Variants in CMC1 observed in about 807,000 individuals in gnomAD.
CMC1 encodes the protein C-X9-C motif containing 1.
A neutral mutation model predicts 14.1 loss-of-function variants in CMC1; 14 were observed. The ratio of observed to expected loss-of-function variants is 0.99; its 90% CI spans 0.66 to 1.55. CMC1 has a LOEUF of 1.55. CMC1 is among the 40% of genes most tolerant of loss of function. The probability of loss-of-function intolerance (pLI) is 0.00; values close to 1 mark genes in which losing one functional copy is unlikely to be tolerated. For missense variants in CMC1, 127 were observed against 123.8 expected (o/e 1.03, Z -0.12); for synonymous variants, 50 against 38.4 (o/e 1.30, Z -1.12).
At chr3:28,257,065 C>T (rs1172259669) in intron 1 of CMC1, among the ~76,000 whole-genome samples, 1 of 152,084 alleles carries the variant, frequency 6.6e-6, no homozygotes, top group Non-Finnish European at 1.5e-5. Context: ...AATTATGAAT[C>T]TTTTTGTCTA....
intron 2 of CMC1, among the ~76,000 whole-genome samples, chr3:28,277,991 G>A (rs1018193077): frequency 9.4e-6 from 1 of 105,994 alleles, no homozygotes; most frequent in Non-Finnish European, 2.0e-5. Flanking sequence ...TCATTGCTAT[G>A]TTAATAATAG....
chr3:28,241,846 C>G, intron 1 of CMC1, 34 bp downstream of exon 1: 1 of 1,236,008 alleles, frequency 8.1e-7, no homozygotes, highest in Non-Finnish European at 1.0e-6. Context: ...TGCCGAGGGG[C>G]CTCGCCCCGG....
At position 28,321,820 on chromosome 3, in the gene CMC1, T is replaced by C. The variant is rs540357298; in HGVS notation, c.*2191T>C. 1 of 151,466 alleles carries C rather than the reference T, an allele frequency of 6.6e-6. No individual in the cohort carries two copies. Among genetic ancestry groups the C allele is most frequent in the South Asian group, 2.1e-4 (1 of 4,830 alleles). The allele number at this position is 151,466 out of a possible 1,614,324, so 9.4% of individuals were successfully genotyped here. A position where few individuals can be genotyped will look rare whatever the true frequency, so the allele number is the denominator to read the frequency against. On this transcript the variant is annotated 3_prime_UTR_variant, in exon 4 of 4. Transcript: ENST00000466830. Reference sequence around the variant, plus strand: ...TAAGTCTTACAGATGTAAATTTTACTTTAGCTAATAAGGGAGCAAGAGGAA... The same window carrying C: ...TAAGTCTTACAGATGTAAATTTTACCTTAGCTAATAAGGGAGCAAGAGGAA...
chr3:28,310,276 T>C (rs1267532441), intron 2 of CMC1, among the ~76,000 whole-genome samples: 1 of 152,210 alleles, frequency 6.6e-6, no homozygotes, highest in Non-Finnish European at 1.5e-5. Flanking sequence ...TCAGGGACTA[T>C]TGTTAGCTCC....
At chr3:28,253,096 A>G (rs1699213688) in intron 1 of CMC1, among the ~76,000 whole-genome samples, 1 of 152,184 alleles carries the variant, frequency 6.6e-6, no homozygotes, top group African/African-American at 2.4e-5. Flanking sequence ...GTATGAACAA[A>G]CTGGCAAGAG....
chr3:28,312,504 C>T (rs911039029), intron 2 of CMC1, among the ~76,000 whole-genome samples: 5 of 152,188 alleles, frequency 3.3e-5, no homozygotes, highest in African/African-American at 1.2e-4. Context: ...GATGAACTAT[C>T]TGCTATTTCT....
rs1703284587 is a variant in CMC1, at chr3:28,324,058, C to A, written c.*4429C>A. On this transcript the variant is annotated 3_prime_UTR_variant, in exon 4 of 4. Coordinates refer to ENST00000466830, the MANE Select transcript of CMC1 (RefSeq NM_182523.2). ...TCTTCCAAATTAATTCTTATAAAGG[C>A]AGTTCTGATTATGTTGATCCAAGTA... is the stretch of plus-strand genomic sequence containing the variant. The A allele has an allele frequency of 6.2e-7, 1 of 1,607,030 alleles. No homozygotes were observed. Among genetic ancestry groups the A allele is most frequent in the African/African-American group, 1.3e-5 (1 of 74,436 alleles).
At chr3:28,274,220 C>CTTTCTT (rs1553615940) in intron 2 of CMC1, among the ~76,000 whole-genome samples, 1 of 112,326 alleles carries the variant, frequency 8.9e-6, no homozygotes, top group Non-Finnish European at 1.7e-5. Context: ...TTGTTTTTTT[C>CTTTCTT]TTTTTTTTTT....
intron 2 of CMC1, among the ~76,000 whole-genome samples, chr3:28,307,718 C>A (rs1364470177): frequency 3.9e-5 from 6 of 152,184 alleles, no homozygotes; most frequent in African/African-American, 7.2e-5. Flanking sequence ...TTTTTCCCCC[C>A]ACTGTGGTAG....
intron 2 of CMC1, among the ~76,000 whole-genome samples, chr3:28,272,425 A>G (rs1317329331): frequency 6.6e-6 from 1 of 152,190 alleles, no homozygotes; most frequent in Non-Finnish European, 1.5e-5. Flanking sequence ...GGTTTTTAAC[A>G]TGAAGGGATG....
intron 1 of CMC1, among the ~76,000 whole-genome samples, chr3:28,258,125 C>G (rs1038836224): frequency 2.0e-4 from 29 of 144,734 alleles, no homozygotes; most frequent in Non-Finnish European, 4.1e-4. Flanking sequence ...TGTGTCCATT[C>G]AAGCCTTTTG....
At chr3:28,312,863 A>G (rs1702707810) in intron 2 of CMC1, among the ~76,000 whole-genome samples, 1 of 151,858 alleles carries the variant, frequency 6.6e-6, no homozygotes, top group Admixed American at 6.6e-5. Flanking sequence ...ATTTTTTTTA[A>G]ATTTTTTTTT....
chr3:28,297,892 A>G (rs187032926), intron 2 of CMC1, among the ~76,000 whole-genome samples: 4 of 151,970 alleles, frequency 2.6e-5, no homozygotes, highest in Admixed American at 6.6e-5. Context: ...TTGTATACAC[A>G]CACATTATGT....
chr3:28,315,297 T>G (rs1702841277), intron 2 of CMC1: 1 of 152,218 alleles, frequency 6.6e-6, no homozygotes, highest in African/African-American at 2.4e-5. Context: ...GGTACCAGGC[T>G]TTTCTGGGTT....
intron 2 of CMC1, among the ~76,000 whole-genome samples, chr3:28,286,101 T>C (rs1331779554): frequency 6.6e-6 from 1 of 152,146 alleles, no homozygotes; most frequent in Non-Finnish European, 1.5e-5. Flanking sequence ...GGTACATACA[T>C]TTTATACTTG....
At chr3:28,245,707 T>C (rs749440169) in intron 1 of CMC1, among the ~76,000 whole-genome samples, 1 of 152,146 alleles carries the variant, frequency 6.6e-6, no homozygotes, top group Non-Finnish European at 1.5e-5. Context: ...TTAAGGTATA[T>C]GTGTCTTGGG....
At chr3:28,251,559 G>A (rs530036549) in intron 1 of CMC1, among the ~76,000 whole-genome samples, 2 of 152,108 alleles carry the variant, frequency 1.3e-5, no homozygotes, top group African/African-American at 4.8e-5. Context: ...TTATGGAACT[G>A]GTTTTCATGT....
At chr3:28,275,893 A>G (rs1002213986) in intron 2 of CMC1, among the ~76,000 whole-genome samples, 7 of 152,274 alleles carry the variant, frequency 4.6e-5, no homozygotes, top group African/African-American at 1.7e-4. Flanking sequence ...CAGTCTGGCC[A>G]CTATCTGCCA....
rs543120217 is a variant in CMC1, at chr3:28,241,730, C to T, written c.-64C>T. On this transcript the variant is annotated 5_prime_UTR_variant, in exon 1 of 4. Transcript: ENST00000466830. ...GTGCGTCCGAGCCCAAGCCCCTCCC[C>T]TCCACTCCCCTTCCTGCGTGCCCCG... is the stretch of plus-strand genomic sequence containing the variant. 5.9e-5 allele frequency: 73 copies of T among 1,241,260 alleles called. No individual in the cohort carries two copies. The African/African-American group carries it at 9.8e-4, about 17-fold the overall frequency. The allele number at this position is 1,241,260 out of a possible 1,614,324, so 76.9% of individuals were successfully genotyped here. A position where few individuals can be genotyped will look rare whatever the true frequency, so the allele number is the denominator to read the frequency against.
Sources: gnomAD v4.1 joint callset for allele counts (sites outside exome capture counted in the v4.1 genomes callset) on GRCh38, gnomAD v4.1.1 for gene constraint, MANE v1.5 for transcripts, NCBI Gene and HGNC (gene_info 2026-07-23, HGNC 2026-07-21) for gene names.